The following TACC2 variants were observed in gnomAD, a reference collection of about 807,000 sequenced individuals.
TACC2 encodes transforming acidic coiled-coil-containing protein 2.
In TACC2, 137 loss-of-function variants were observed where a neutral mutation model predicts 227.3. The observed-to-expected ratio is 0.60, with a 90% CI of 0.52 to 0.69. The LOEUF is 0.69. TACC2 is among the 30% of genes least tolerant of loss of function. TACC2 has a pLI of 0.00. For synonymous variants in TACC2, 1,523 were observed against 1,487.5 expected (o/e 1.02, Z -0.55); for missense variants, 3,470 against 3,694.4 (o/e 0.94, Z 1.57).
intron 5 of TACC2, among the ~76,000 whole-genome samples, chr10:122,132,222 A>G (rs1236045254): frequency 6.6e-6 from 1 of 152,296 alleles, no homozygotes; most frequent in Non-Finnish European, 1.5e-5. Flanking sequence ...CTCAGGATCC[A>G]GATAGAAATG....
chr10:122,023,249 C>G (rs529238761), intron 2 of TACC2: 4 of 152,112 alleles, frequency 2.6e-5, no homozygotes, highest in African/African-American at 9.7e-5. Context: ...AGGCTGGTAT[C>G]GAACTCCTGA....
chr10:122,010,447 CT>C (rs756125988), intron 1 of TACC2, among the ~76,000 whole-genome samples: 64 of 152,128 alleles, frequency 4.2e-4, no homozygotes, highest in Non-Finnish European at 7.6e-4. Flanking sequence ...CATCAAATAT[CT>C]GGTTTAGCAG....
Position 122,205,248 on chromosome 10 carries a change from G to A in TACC2, c.5972-5149G>A, listed in dbSNP as rs1227570312. Among the ~76,000 whole-genome samples, 1 of 152,116 alleles carries A rather than the reference G, an allele frequency of 6.6e-6. No homozygotes were observed. Among genetic ancestry groups the A allele is most frequent in the Non-Finnish European group, 1.5e-5 (1 of 68,014 alleles). Reference sequence around the variant, plus strand: ...GAAGCAGAGGAGCACAGCCCCACCCGGTGGGGGTTCCTGGGGTCTCTGTGA... The same window carrying A: ...GAAGCAGAGGAGCACAGCCCCACCCAGTGGGGGTTCCTGGGGTCTCTGTGA... On this transcript the variant is annotated intron_variant, in intron 8 of 22. Coordinates refer to ENST00000369005, the MANE Select transcript of TACC2 (RefSeq NM_206862.4). This position sits in a 1 kb window ranked among gnomAD's most constrained non-coding sequence, Gnocchi z 4.5.
chr10:122,073,568 G>A (rs1372919604), intron 3 of TACC2, among the ~76,000 whole-genome samples: 1 of 152,068 alleles, frequency 6.6e-6, no homozygotes, highest in African/African-American at 2.4e-5. Context: ...GTGTTCTGTG[G>A]CCCATCATCC....
chr10:122,112,857 G>A (rs1029954269), intron 5 of TACC2, among the ~76,000 whole-genome samples: 5 of 152,064 alleles, frequency 3.3e-5, no homozygotes, highest in Admixed American at 2.6e-4. Context: ...GGGCCCCTCG[G>A]TGCGTCTGGG....
At chr10:122,036,894 A>T (rs1290147435) in intron 2 of TACC2, among the ~76,000 whole-genome samples, 1 of 152,178 alleles carries the variant, frequency 6.6e-6, no homozygotes, top group Non-Finnish European at 1.5e-5. Context: ...TTACATTTCC[A>T]CTAGCAATAT....
intron 18 of TACC2, among the ~76,000 whole-genome samples, chr10:122,240,327 A>G (rs750334323): frequency 6.6e-6 from 1 of 152,208 alleles, no homozygotes; most frequent in Non-Finnish European, 1.5e-5. Flanking sequence ...CAGAAAACAC[A>G]GAATTGCTCC....
At chr10:122,242,825 G>A (rs2096029180) in intron 19 of TACC2, among the ~76,000 whole-genome samples, 1 of 151,922 alleles carries the variant, frequency 6.6e-6, no homozygotes, top group Non-Finnish European at 1.5e-5. Context: ...TTTGGGATGG[G>A]GTCTTGCTAC....
intron 1 of TACC2, among the ~76,000 whole-genome samples, chr10:122,002,914 G>A (rs1052670328): frequency 3.1e-4 from 47 of 151,972 alleles, no homozygotes; most frequent in African/African-American, 1.0e-3. Flanking sequence ...TTAAGAATTA[G>A]GCTTTTGTCT....
intron 19 of TACC2, chr10:122,246,635 C>G (rs996256280): frequency 6.6e-6 from 1 of 152,204 alleles, no homozygotes; most frequent in Non-Finnish European, 1.5e-5. Flanking sequence ...AAAAGCTGCC[C>G]GGGTGGTTGT....
At chr10:122,119,730 A>G (rs1000023994) in intron 5 of TACC2, among the ~76,000 whole-genome samples, 1 of 152,162 alleles carries the variant, frequency 6.6e-6, no homozygotes, top group African/African-American at 2.4e-5. Context: ...CCTGGCCAAC[A>G]TGGCAAAACC....
chr10:122,086,807 G>A lies in TACC2; in HGVS notation c.4307G>A (p.Ser1436Asn). 1.9e-6 allele frequency: 3 copies of A among 1,614,000 alleles called. No individual in the cohort carries two copies. Among genetic ancestry groups the A allele is most frequent in the Non-Finnish European group, 1.7e-6 (2 of 1,179,992 alleles). Residue 1436 changes from serine (S) to asparagine (N), a missense_variant, in exon 4 of 23, where the codon AGT becomes AAT. Coordinates refer to ENST00000369005, the MANE Select transcript of TACC2 (RefSeq NM_206862.4). ...TPGEKAGAGR[S>N]AVGKDLTRPL... ...GGAGAAAAGGCAGGAGCTGGGAGGA[G>A]TGCAGTGGGTAAAGACCTCACCAGG...
chr10:122,106,330 T>C (rs73372104), intron 5 of TACC2, among the ~76,000 whole-genome samples: 13,057 of 152,112 alleles, frequency 0.086, 838 homozygotes, highest in African/African-American at 0.18. Flanking sequence ...TGATGAGCAT[T>C]TGGGCTAATT....
rs370548871 is a variant in TACC2 at position 122,111,656 on chromosome 10, A to ATTTT, written c.5574-20945_5574-20942dup. ...CAGGCACACACCATCATGCCCAGCT[A>ATTTT]TTTTTTTTTTTGTATTTTTAGTAGA... On this transcript the variant is annotated intron_variant, in intron 5 of 22. Transcript: ENST00000369005. Among the ~76,000 whole-genome samples, 522 of 147,578 alleles carry ATTTT rather than the reference A, an allele frequency of 3.5e-3. 1 individual carries two copies. The highest frequency in any genetic ancestry group is 9.8e-3 in the African/African-American group (392 of 40,168).
chr10:122,132,599 C>G lies in TACC2; in HGVS notation c.5574-10C>G, dbSNP rs764700817. 14 of 1,614,090 alleles carry G rather than the reference C, an allele frequency of 8.7e-6. No homozygotes were observed. Among genetic ancestry groups the G allele is most frequent in the Non-Finnish European group, 1.1e-5 (13 of 1,179,962 alleles). On this transcript the variant is annotated splice_polypyrimidine_tract_variant and intron_variant, in intron 5 of 22. Transcript: ENST00000369005. ...TCTGAGTTTAGGTTCTTTCCCTTTT[C>G]TCTCCCCAGTTCACCTGTGGCAGAT... is the stretch of plus-strand genomic sequence containing the variant.
chr10:122,013,877 C>T (rs547547131), intron 1 of TACC2, among the ~76,000 whole-genome samples: 4 of 152,172 alleles, frequency 2.6e-5, no homozygotes, highest in Non-Finnish European at 5.9e-5. Flanking sequence ...AAATCATTTC[C>T]AACCTCTAGG....
rs147619126 is a variant in TACC2 at position 122,084,024 on chromosome 10, G to A, written c.1524G>A (p.Glu508=). ...ACTTGAACACGGAGCAAAGCCATGA[G>A]GTCCAACCAGGAGTACCACCCCCTC... ...GEHLNTEQSH[E]VQPGVPPPPL... is the part of the protein sequence containing the mutation. Residue 508 remains glutamate, a synonymous_variant, in exon 4 of 23, where the codon GAG becomes GAA. Coordinates refer to ENST00000369005, the MANE Select transcript of TACC2 (RefSeq NM_206862.4). 1.9e-6 allele frequency: 3 copies of A among 1,613,844 alleles called. No homozygotes were observed. Among genetic ancestry groups the A allele is most frequent in the African/African-American group, 2.7e-5 (2 of 74,880 alleles).
intron 1 of TACC2, among the ~76,000 whole-genome samples, chr10:122,018,673 G>C (rs1417429688): frequency 2.0e-5 from 3 of 152,230 alleles, no homozygotes; most frequent in African/African-American, 7.2e-5. Context: ...CTTTCACTTC[G>C]GGTGAGGCTT....
In TACC2 at chr10:122,085,806, C is replaced by T; in HGVS notation, c.3306C>T (p.Cys1102=). 6.2e-7 allele frequency: 1 copy of T among 1,613,232 alleles called. No individual in the cohort carries two copies. Among genetic ancestry groups the T allele is most frequent in the Non-Finnish European group, 8.5e-7 (1 of 1,179,528 alleles). ...CGGCCCCGCAGCAGAAAATGGAGTG[C>T]TGGGCCACTTCGGATGCAGAGTCCC... ...PVPAPQQKME[C]WATSDAESPK... The change falls in exon 4 of 23, where the codon TGC becomes TGT. Residue 1102 remains cysteine (C), a synonymous_variant. Transcript: ENST00000369005.
Sources: allele counts gnomAD v4.1 joint callset (sites outside exome capture counted in the v4.1 genomes callset), GRCh38; gene constraint gnomAD v4.1.1; non-coding constraint Gnocchi (gnomAD v3.1); transcripts MANE v1.5; gene names NCBI Gene and HGNC (gene_info 2026-07-23, HGNC 2026-07-21).